The following VPS4A variants were observed in gnomAD, a reference collection of about 807,000 sequenced individuals.
VPS4A encodes the protein vacuolar protein sorting-associated protein 4A.
VPS4A carries 20 observed loss-of-function variants against 52.3 expected under a neutral mutation model. The observed-to-expected ratio is 0.38, with a 90% CI of 0.27 to 0.56. The LOEUF is 0.56. VPS4A is among the 20% of genes least tolerant of loss of function. The pLI is 0.72. For synonymous variants in VPS4A, 293 were observed against 227.7 expected (o/e 1.29, Z -2.58); for missense variants, 419 against 575.9 (o/e 0.73, Z 2.79).
In VPS4A at chr16:69,316,356, C is replaced by T. The variant is rs1218123219; in HGVS notation, c.265C>T (p.Gln89Ter). ...KHGKKPVKENQSEGKGSDSDS... is the reference protein window; with the variant it reads ...KHGKKPVKEN ...CGGCAAGAAGCCAGTCAAAGAGAAC[C>T]AGAGTGAGGGCAAGGGGTGAGTGTC... The change falls in exon 3 of 11, where the codon CAG (glutamine) becomes TAG (stop). Residue 89 changes from glutamine to a stop codon, truncating the protein, a stop_gained. Transcript: ENST00000254950. LOFTEE classifies it high-confidence loss of function. 1 of 1,613,648 alleles carries T rather than the reference C, an allele frequency of 6.2e-7. No homozygotes were observed. Among genetic ancestry groups the T allele is most frequent in the Non-Finnish European group, 8.5e-7 (1 of 1,179,826 alleles).
intron 10 of VPS4A, 162 bp downstream of exon 10, chr16:69,322,862 G>A: frequency 1.3e-6 from 1 of 785,824 alleles, no homozygotes. Flanking sequence ...AAGGTTAGGA[G>A]TTCGAGACCA....
chr16:69,325,378 TCGAGAG>T lies in VPS4A; in HGVS notation c.*1070_*1075del, dbSNP rs1965576707. On this transcript the variant is annotated 3_prime_UTR_variant, in exon 11 of 11. Coordinates refer to ENST00000254950, the MANE Select transcript of VPS4A (RefSeq NM_013245.3). ...TTGGTCTGCCGCTAACATTTAAAAGTCGAGAGTTGCTGGGCGCGGTGGCTCACGCCT... is the reference window on the plus strand; with the variant it reads ...TTGGTCTGCCGCTAACATTTAAAAGTTTGCTGGGCGCGGTGGCTCACGCCT... The T allele has an allele frequency of 7.0e-6, 1 of 142,774 alleles. No individual in the cohort carries two copies. Among genetic ancestry groups the T allele is most frequent in the Non-Finnish European group, 1.6e-5 (1 of 62,370 alleles). The allele number at this position is 142,774 out of a possible 1,614,324, so 8.8% of individuals were successfully genotyped here.
At chr16:69,314,759 A>G (rs1315181330) in intron 1 of VPS4A, among the ~76,000 whole-genome samples, 1 of 151,660 alleles carries the variant, frequency 6.6e-6, no homozygotes, top group East Asian at 1.9e-4. Context: ...GGCTGAACAA[A>G]TGCCCCGGCC....
At chr16:69,316,458 C>G in intron 3 of VPS4A, 86 bp downstream of exon 3, 1 of 1,548,872 alleles carries the variant, frequency 6.5e-7, no homozygotes, top group East Asian at 2.2e-5. Context: ...CTTGGACTTC[C>G]CTGTGGGAAT....
Position 69,324,467 on chromosome 16 carries a change from G to T in VPS4A, c.*158G>T. Reference sequence around the variant, plus strand: ...GTCTGCCAGGGAGCCAGAAGGAAGGGCCTTGCAGCCACAGAGACACTCCAC... The same window carrying T: ...GTCTGCCAGGGAGCCAGAAGGAAGGTCCTTGCAGCCACAGAGACACTCCAC... On this transcript the variant is annotated 3_prime_UTR_variant, in exon 11 of 11. Transcript: ENST00000254950. 1 of 742,676 alleles carries T rather than the reference G, an allele frequency of 1.3e-6. No individual in the cohort carries two copies. Among genetic ancestry groups the T allele is most frequent in the Admixed American group, 2.3e-5 (1 of 44,200 alleles). The allele number at this position is 742,676 out of a possible 1,614,324, so 46.0% of individuals were successfully genotyped here. A position where few individuals can be genotyped will look rare whatever the true frequency, so the allele number is the denominator to read the frequency against.
chr16:69,323,829 A>C, intron 10 of VPS4A: 1 of 365,974 alleles, frequency 2.7e-6, no homozygotes, highest in Non-Finnish European at 5.4e-6. Context: ...ACGTGCCTGT[A>C]GTCCCAGCTA....
chr16:69,323,960 A>AAAAAAG lies in VPS4A; in HGVS notation c.1213-244_1213-239dup, dbSNP rs1555502921. 7.7e-3 allele frequency among the ~76,000 whole-genome samples: 1,167 copies of AAAAAAG among 151,002 alleles called. 29 individuals are homozygous for AAAAAAG. Among genetic ancestry groups the AAAAAAG allele is most frequent in the African/African-American group, 0.027 (1,098 of 40,628 alleles). ...CTCCGTCTCCAAAAAAAAAAAAAAA[A>AAAAAAG]AAAAAGAAAGCAAGTTCGTAAGGGG... On this transcript the variant is annotated intron_variant, in intron 10 of 10. Transcript: ENST00000254950.
rs773370042 is a variant in VPS4A at position 69,319,509 on chromosome 16, G to C, written c.586G>C (p.Asp196His). Residue 196 changes from aspartate to histidine, a missense_variant, in exon 6 of 11, where the codon GAT becomes CAT. Coordinates refer to ENST00000254950, the MANE Select transcript of VPS4A (RefSeq NM_013245.3). ...NSTFFSVSSS[D>H]LMSKWLGESE... ...CACCTTCTTCTCTGTGTCCTCCTCA[G>C]ATCTGATGTCCAAGTGGCTGGGGGA... 1.2e-6 allele frequency: 2 copies of C among 1,613,768 alleles called. No individual in the cohort carries two copies. The highest frequency in any genetic ancestry group is 1.7e-6 in the Non-Finnish European group (2 of 1,179,856).
chr16:69,323,521 C>CT, intron 10 of VPS4A: 2 of 396,372 alleles, frequency 5.0e-6, no homozygotes, highest in South Asian at 3.6e-5. Context: ...ATGGGTTTGG[C>CT]TTTGCGGTGC....
Position 69,311,393 on chromosome 16 carries a change from G to C in VPS4A, c.-119G>C. 9 of 1,123,634 alleles carry C rather than the reference G, an allele frequency of 8.0e-6. No individual in the cohort carries two copies. The highest frequency in any genetic ancestry group is 1.0e-5 in the Non-Finnish European group (9 of 885,626). The allele number at this position is 1,123,634 out of a possible 1,614,324, so 69.6% of individuals were successfully genotyped here. ...CGCTGCGAGCGGCCGCCCTGCCCGC[G>C]CACCGCGCTCAGCGCCCACCGCCGG... On this transcript the variant is annotated 5_prime_UTR_variant, in exon 1 of 11. Transcript: ENST00000254950.
rs757335573 is a variant in VPS4A, at chr16:69,322,714, CAG to C, written c.1212+15_1212+16del. The C allele has an allele frequency of 3.4e-5, 54 of 1,609,870 alleles. No homozygotes were observed. In the East Asian group the frequency reaches 3.6e-4, roughly 11 times the overall value. On this transcript the variant is annotated intron_variant, in intron 10 of 10. Transcript: ENST00000254950. ...GTGGTTTGCATGGTAAGTGACTTGA[CAG>C]GGGAGGGAAGAGGGCTGCACAGAGC...
chr16:69,319,541 AAAGT>A lies in VPS4A; in HGVS notation c.620+3_620+6del. 1 of 1,611,772 alleles carries A rather than the reference AAAGT, an allele frequency of 6.2e-7. No individual in the cohort carries two copies. The highest frequency in any genetic ancestry group is 8.5e-7 in the Non-Finnish European group (1 of 1,179,032). On this transcript the variant is annotated splice_donor_variant and coding_sequence_variant, in exon 6 of 11. Transcript: ENST00000254950. LOFTEE classifies it high-confidence loss of function. ...TGTCCAAGTGGCTGGGGGAGAGTGA[AAAGT>A]AAGTCGGCCACCAGGCCATGCTCTG...
At position 69,324,590 on chromosome 16, in the gene VPS4A, T is replaced by C. The variant is rs1965560618; in HGVS notation, c.*281T>C. On this transcript the variant is annotated 3_prime_UTR_variant, in exon 11 of 11. Coordinates refer to ENST00000254950, the MANE Select transcript of VPS4A (RefSeq NM_013245.3). ...CTCCCCCCCTTTTTTTTCCATCTTTTGTTCCCCTAAATTAATGCTGCTTGG... is the reference window on the plus strand; with the variant it reads ...CTCCCCCCCTTTTTTTTCCATCTTTCGTTCCCCTAAATTAATGCTGCTTGG... 1.2e-5 allele frequency: 5 copies of C among 403,058 alleles called. No individual in the cohort carries two copies. Among genetic ancestry groups the C allele is most frequent in the South Asian group, 9.3e-5 (3 of 32,292 alleles). The allele number at this position is 403,058 out of a possible 1,614,324, so 25.0% of individuals were successfully genotyped here. A position where few individuals can be genotyped will look rare whatever the true frequency, so the allele number is the denominator to read the frequency against.
chr16:69,324,685 A>C lies in VPS4A; in HGVS notation c.*376A>C, dbSNP rs1284693224. ...GGAGTGGGGCGGGGTGGCGGGGGAG[A>C]AGCAGCCGTGCTGCCAGGTCACCCA... On this transcript the variant is annotated 3_prime_UTR_variant, in exon 11 of 11. Transcript: ENST00000254950. 9.4e-6 allele frequency: 2 copies of C among 213,192 alleles called. No individual in the cohort carries two copies. The highest frequency in any genetic ancestry group is 1.5e-4 in the South Asian group (2 of 13,176). 13.2% of individuals were successfully genotyped at this position (213,192 alleles called of 1,614,324 possible).
intron 1 of VPS4A, among the ~76,000 whole-genome samples, chr16:69,314,416 C>T (rs1192719084): frequency 6.6e-6 from 1 of 152,014 alleles, no homozygotes; most frequent in African/African-American, 2.4e-5. Context: ...GTCCAAGGTA[C>T]TGGGGGTGTG....
intron 1 of VPS4A, among the ~76,000 whole-genome samples, chr16:69,312,773 C>T (rs1219257532): frequency 2.6e-5 from 4 of 151,650 alleles, no homozygotes; most frequent in African/African-American, 9.7e-5. Flanking sequence ...CAACCACGCC[C>T]GGCTAATTTT....
intron 3 of VPS4A, among the ~76,000 whole-genome samples, chr16:69,317,298 TCTC>T (rs1440802254): frequency 2.0e-5 from 3 of 152,090 alleles, no homozygotes; most frequent in Non-Finnish European, 4.4e-5. Context: ...GGTTTTGCTT[TCTC>T]CTCTGTCCTT....
chr16:69,315,874 C>A, intron 1 of VPS4A, 134 bp from the exon 2 acceptor site: 2 of 703,856 alleles, frequency 2.8e-6, no homozygotes, highest in Non-Finnish European at 4.7e-6. Flanking sequence ...AAAAGTAGGC[C>A]AATGAAATGG....
intron 10 of VPS4A, chr16:69,323,253 C>G (rs1271139575): frequency 5.6e-6 from 1 of 179,872 alleles, no homozygotes; most frequent in African/African-American, 2.4e-5. Flanking sequence ...ACCTCACGAG[C>G]TCACACAATC....
Sources: allele counts gnomAD v4.1 joint callset (sites outside exome capture counted in the v4.1 genomes callset), GRCh38; gene constraint gnomAD v4.1.1; transcripts MANE v1.5; gene names NCBI Gene and HGNC (gene_info 2026-07-23, HGNC 2026-07-21).